LOXHD1: variants seen among roughly 807,000 people sequenced by gnomAD.
The protein encoded by LOXHD1 is lipoxygenase homology PLAT domains 1, also known as lipoxygenase homology domain-containing protein 1.
A neutral mutation model predicts 248.2 loss-of-function variants in LOXHD1; 205 were observed. That is an observed-to-expected ratio of 0.83 (90% confidence interval 0.74 to 0.93). LOXHD1 has a LOEUF of 0.93. Ranked by LOEUF, LOXHD1 falls within the 40% of genes least tolerant of loss-of-function variation. The probability of loss-of-function intolerance (pLI) is 0.00; values close to 1 mark genes in which losing one functional copy is unlikely to be tolerated. For missense variants in LOXHD1, 2,930 were observed against 2,971.6 expected (o/e 0.99, Z 0.33); for synonymous variants, 1,113 against 1,162.8 (o/e 0.96, Z 0.87).
chr18:46,630,310 C>A (rs2038803703), intron 4 of LOXHD1, among the ~76,000 whole-genome samples: 1 of 152,202 alleles, frequency 6.6e-6, no homozygotes, highest in Admixed American at 6.5e-5. Flanking sequence ...ATGGTGTGGG[C>A]TCAATATTAA....
intron 21 of LOXHD1, among the ~76,000 whole-genome samples, chr18:46,553,849 T>C (rs2037208471): frequency 6.6e-6 from 1 of 152,172 alleles, no homozygotes; most frequent in Non-Finnish European, 1.5e-5. Flanking sequence ...GAAGAAAGCA[T>C]GACAGGGAGC....
At chr18:46,648,999 T>A (rs1157824951) in intron 2 of LOXHD1, among the ~76,000 whole-genome samples, 156 bp downstream of exon 2, 2 of 152,214 alleles carry the variant, frequency 1.3e-5, no homozygotes, top group Non-Finnish European at 2.9e-5. Flanking sequence ...GATCCCCAGC[T>A]GGTACACGGT....
At chr18:46,642,825 T>G (rs1347677453) in intron 2 of LOXHD1, among the ~76,000 whole-genome samples, 1 of 152,112 alleles carries the variant, frequency 6.6e-6, no homozygotes, top group East Asian at 1.9e-4. Context: ...CCGGGGCCCC[T>G]GCCATTTGAG....
At chr18:46,645,759 A>T (rs929959226) in intron 2 of LOXHD1, among the ~76,000 whole-genome samples, 3 of 151,892 alleles carry the variant, frequency 2.0e-5, no homozygotes, top group Non-Finnish European at 2.9e-5. Context: ...AGAAGGAATT[A>T]TTCTGTACTA....
At position 46,557,367 on chromosome 18, in the gene LOXHD1, G is replaced by A; in HGVS notation, c.3339C>T (p.Asn1113=). Residue 1113 remains asparagine (N), a synonymous_variant, in exon 21 of 41, where the codon AAC becomes AAT. Coordinates refer to ENST00000642948, the MANE Select transcript of LOXHD1 (RefSeq NM_001384474.1). Reference sequence around the variant, plus strand: ...GCCCCCACACTCACGTGATCTCGTTGTTCATGTCAGTAATGTCTATTCTGT... The same window carrying A: ...GCCCCCACACTCACGTGATCTCGTTATTCATGTCAGTAATGTCTATTCTGT... ...FLDRIDITDM[N]NEITYYFPCQ... 2 of 1,552,250 alleles carry A rather than the reference G, an allele frequency of 1.3e-6. No individual in the cohort carries two copies. Among genetic ancestry groups the A allele is most frequent in the South Asian group, 1.2e-5 (1 of 84,048 alleles).
intron 8 of LOXHD1, among the ~76,000 whole-genome samples, chr18:46,595,978 G>A (rs552529618): frequency 5.9e-5 from 9 of 152,002 alleles, no homozygotes; most frequent in East Asian, 1.9e-4. Flanking sequence ...TATAGTAAGC[G>A]CTTAAAAATT....
intron 34 of LOXHD1, 54 bp downstream of exon 34, chr18:46,518,075 G>A: frequency 1.3e-6 from 2 of 1,548,272 alleles, no homozygotes; most frequent in Non-Finnish European, 8.7e-7. Flanking sequence ...GGGTGGGGCA[G>A]AGGGGGAGAG....
rs543646250 is a variant in LOXHD1 at position 46,547,143 on chromosome 18, C to T, written c.3351-85G>A. The T allele has an allele frequency of 3.0e-4, 441 of 1,470,974 alleles. 1 individual carries two copies. Among genetic ancestry groups the T allele is most frequent in the Middle Eastern group, 2.4e-3 (14 of 5,752 alleles). The allele number at this position is 1,470,974 out of a possible 1,614,324, so 91.1% of individuals were successfully genotyped here. ...AGTCATGGGCTGAGAATGAGAGGCCCTCTATGGGGTCCCAAACTCTCCCCT... is the reference window on the plus strand; with the variant it reads ...AGTCATGGGCTGAGAATGAGAGGCCTTCTATGGGGTCCCAAACTCTCCCCT... On this transcript the variant is annotated intron_variant, in intron 21 of 40. Coordinates refer to ENST00000642948, the MANE Select transcript of LOXHD1 (RefSeq NM_001384474.1).
At position 46,579,699 on chromosome 18, in the gene LOXHD1, A is replaced by G. The variant is rs1250413505; in HGVS notation, c.1740T>C (p.Asp580=). 6.4e-7 allele frequency: 1 copy of G among 1,551,778 alleles called. No homozygotes were observed. Among genetic ancestry groups the G allele is most frequent in the Non-Finnish European group, 8.7e-7 (1 of 1,147,002 alleles). Reference sequence around the variant, plus strand: ...GCAGCCGTTCCCCCGTGTCCCCCACATCACCAAAAAGGCAGAGATAGACGT... The same window carrying G: ...GCAGCCGTTCCCCCGTGTCCCCCACGTCACCAAAAAGGCAGAGATAGACGT... The part of the protein sequence containing the change: ...DANVYLCLFG[D]VGDTGERLLY... Residue 580 remains aspartate, a synonymous_variant, in exon 13 of 41, where the codon GAT becomes GAC. Coordinates refer to ENST00000642948, the MANE Select transcript of LOXHD1 (RefSeq NM_001384474.1).
chr18:46,616,755 C>T (rs1033525093), intron 5 of LOXHD1, among the ~76,000 whole-genome samples: 2 of 152,130 alleles, frequency 1.3e-5, no homozygotes, highest in Non-Finnish European at 2.9e-5. Context: ...TGATATATAT[C>T]CTTGCTTAGA....
chr18:46,626,567 CAGA>C (rs954156185), intron 4 of LOXHD1, among the ~76,000 whole-genome samples: 1 of 152,026 alleles, frequency 6.6e-6, no homozygotes, highest in Non-Finnish European at 1.5e-5. Flanking sequence ...AATAAAATAA[CAGA>C]AGATGATTTG....
intron 37 of LOXHD1, among the ~76,000 whole-genome samples, chr18:46,496,523 TTAAAA>T (rs200910773): frequency 0.013 from 1,910 of 152,198 alleles, 16 homozygotes; most frequent in Non-Finnish European, 0.021. Context: ...TGAAAAAAAA[TTAAAA>T]TAAACATAAA....
intron 1 of LOXHD1, among the ~76,000 whole-genome samples, chr18:46,653,778 G>A (rs566848346): frequency 5.9e-5 from 9 of 152,320 alleles, no homozygotes; most frequent in African/African-American, 1.9e-4. Context: ...GGTTTACTAA[G>A]CTTCAATTTC....
intron 40 of LOXHD1, among the ~76,000 whole-genome samples, chr18:46,479,617 T>G (rs921862927): frequency 6.6e-6 from 1 of 152,060 alleles, no homozygotes; most frequent in Non-Finnish European, 1.5e-5. Flanking sequence ...ATTGCTATGG[T>G]TTCTTCCCAC....
rs528588559 is a variant in LOXHD1 at position 46,566,336 on chromosome 18, G to T, written c.2358C>A (p.Asn786Lys). 5.8e-6 allele frequency: 9 copies of T among 1,551,878 alleles called. No homozygotes were observed. The African/African-American group carries it at 1.2e-4, about 21-fold the overall frequency. ...CAGCCTGGTTCTTGTCCAGCCAGCG[G>T]TTGGCGGGAAAGGTGTACTGCTTGC... ...RQGKQYTFPA[N>K]RWLDKNQADG... Residue 786 changes from asparagine to lysine, a missense_variant, in exon 17 of 41, where the codon AAC becomes AAA. Coordinates refer to ENST00000642948, the MANE Select transcript of LOXHD1 (RefSeq NM_001384474.1).
intron 6 of LOXHD1, among the ~76,000 whole-genome samples, chr18:46,604,768 C>T (rs922595582): frequency 3.3e-5 from 5 of 152,260 alleles, no homozygotes; most frequent in South Asian, 2.1e-4. Flanking sequence ...GACTCCCATG[C>T]GAGCTAAGTT....
intron 12 of LOXHD1, among the ~76,000 whole-genome samples, chr18:46,584,300 G>C (rs1337835019): frequency 6.6e-6 from 1 of 151,916 alleles, no homozygotes; most frequent in Non-Finnish European, 1.5e-5. Flanking sequence ...AGAGGAATAA[G>C]TTCTGATGTT....
intron 35 of LOXHD1, chr18:46,509,449 C>T (rs940449248): frequency 2.0e-6 from 1 of 511,320 alleles, no homozygotes; most frequent in Non-Finnish European, 3.6e-6. Flanking sequence ...AGGTCTCTGT[C>T]CACGTAACGT....
chr18:46,600,251 C>A (rs1194540677), intron 8 of LOXHD1, among the ~76,000 whole-genome samples: 2 of 152,178 alleles, frequency 1.3e-5, no homozygotes, highest in East Asian at 3.9e-4. Context: ...AGTGGATGAA[C>A]TACAGCTTCT....
Sources: allele counts gnomAD v4.1 joint callset (sites outside exome capture counted in the v4.1 genomes callset), GRCh38; gene constraint gnomAD v4.1.1; transcripts MANE v1.5; gene names NCBI Gene and HGNC (gene_info 2026-07-23, HGNC 2026-07-21).